TENM3: variants seen among roughly 807,000 people sequenced by gnomAD.
The protein encoded by TENM3 is teneurin-3.
TENM3 carries 63 observed loss-of-function variants against 255.1 expected under a neutral mutation model. The ratio of observed to expected loss-of-function variants is 0.25; its 90% CI spans 0.20 to 0.30. TENM3 has a LOEUF of 0.30. Ranked by LOEUF, TENM3 falls within the 10% of genes least tolerant of loss-of-function variation. TENM3 has a pLI of 1.00. For synonymous variants in TENM3, 1,306 were observed against 1,322.3 expected (o/e 0.99, Z 0.27); for missense variants, 2,929 against 3,461.1 (o/e 0.85, Z 3.86).
chr4:181,998,171 C>A, the TENM3 span, among the ~76,000 whole-genome samples: 1 of 152,104 alleles, frequency 6.6e-6, no homozygotes, highest in African/African-American at 2.4e-5. Context: ...AAATTTATGA[C>A]CCTTTTTAAA....
intron 3 of TENM3, among the ~76,000 whole-genome samples, chr4:182,369,455 G>A (rs1197090297): frequency 3.3e-5 from 5 of 152,172 alleles, no homozygotes; most frequent in African/African-American, 1.2e-4. Context: ...GTAGACTGTA[G>A]GTCCTCAGAT....
the TENM3 span, among the ~76,000 whole-genome samples, chr4:181,515,717 G>C: frequency 6.6e-6 from 1 of 152,016 alleles, no homozygotes; most frequent in Non-Finnish European, 1.5e-5. Context: ...TTATAACTCA[G>C]TGGTTTTGCT....
the TENM3 span, among the ~76,000 whole-genome samples, chr4:181,646,839 CA>C: frequency 6.6e-6 from 1 of 151,766 alleles, no homozygotes; most frequent in Non-Finnish European, 1.5e-5. Context: ...GCATCAGTGA[CA>C]AAAAAAGATC....
chr4:181,807,692 T>A, the TENM3 span, among the ~76,000 whole-genome samples: 1 of 152,328 alleles, frequency 6.6e-6, no homozygotes, highest in South Asian at 2.1e-4. Flanking sequence ...CAGTATAGGA[T>A]TATTTTTCTT....
chr4:181,781,018 A>C, the TENM3 span, among the ~76,000 whole-genome samples: 2 of 152,132 alleles, frequency 1.3e-5, no homozygotes, highest in Non-Finnish European at 2.9e-5. Flanking sequence ...TGTTTTGGTT[A>C]CTGTAGCCTT....
At chr4:182,026,325 A>G in the TENM3 span, among the ~76,000 whole-genome samples, 1 of 152,034 alleles carries the variant, frequency 6.6e-6, no homozygotes. Flanking sequence ...TTTTTTCTAT[A>G]TAGTTGTTTG....
intron 1 of TENM3, among the ~76,000 whole-genome samples, chr4:182,177,009 A>T (rs543482224): frequency 2.9e-4 from 44 of 151,930 alleles, no homozygotes; most frequent in African/African-American, 1.1e-3. Context: ...TAGGAGATGG[A>T]CAGGACAGAC....
the TENM3 span, among the ~76,000 whole-genome samples, chr4:181,680,250 A>G: frequency 6.6e-6 from 1 of 152,150 alleles, no homozygotes; most frequent in African/African-American, 2.4e-5. Context: ...TCTCTCAAGT[A>G]TATAGGCTGT....
the TENM3 span, among the ~76,000 whole-genome samples, chr4:181,605,584 G>GGAAA: frequency 4.5e-3 from 308 of 69,180 alleles, 41 homozygotes; most frequent in Middle Eastern, 0.012. Flanking sequence ...GAGAAAGAAA[G>GGAAA]GAAAGAAAGA....
At chr4:181,948,812 G>C in the TENM3 span, among the ~76,000 whole-genome samples, 1 of 152,166 alleles carries the variant, frequency 6.6e-6, no homozygotes, top group African/African-American at 2.4e-5. Flanking sequence ...GCAAAGGAAA[G>C]TGTGGATGAA....
chr4:181,492,008 A>T, the TENM3 span, among the ~76,000 whole-genome samples: 5 of 152,302 alleles, frequency 3.3e-5, no homozygotes, highest in South Asian at 4.1e-4. Flanking sequence ...GGCCAAATTA[A>T]CTTAAGCCGC....
At chr4:181,547,816 T>C in the TENM3 span, among the ~76,000 whole-genome samples, 40 of 152,304 alleles carry the variant, frequency 2.6e-4, no homozygotes, top group African/African-American at 8.9e-4. Flanking sequence ...TTTTTCTTTT[T>C]TTTATTATAC....
the TENM3 span, among the ~76,000 whole-genome samples, chr4:182,021,863 A>G: frequency 2.6e-5 from 4 of 152,194 alleles, no homozygotes; most frequent in Non-Finnish European, 5.9e-5. Context: ...TCAGAAAAAA[A>G]CTTCCAGTTA....
chr4:181,527,627 T>G, the TENM3 span, among the ~76,000 whole-genome samples: 7 of 135,662 alleles, frequency 5.2e-5, no homozygotes, highest in Admixed American at 1.4e-4. Context: ...CAGGTTTTGT[T>G]TTTTTTTTTT....
the TENM3 span, among the ~76,000 whole-genome samples, chr4:182,125,138 ATGGTGAAT>A: frequency 1.1e-5 from 1 of 87,056 alleles, no homozygotes. Flanking sequence ...CCCTGCTGGG[ATGGTGAAT>A]CTTCCCATTG....
intron 1 of TENM3, among the ~76,000 whole-genome samples, chr4:182,285,402 A>G (rs915803354): frequency 6.6e-6 from 1 of 152,184 alleles, no homozygotes; most frequent in African/African-American, 2.4e-5. Flanking sequence ...CCACATTTAC[A>G]GTCCACGTGT....
At chr4:182,260,513 A>G (rs1758710590) in intron 1 of TENM3, among the ~76,000 whole-genome samples, 1 of 152,234 alleles carries the variant, frequency 6.6e-6, no homozygotes, top group Middle Eastern at 3.2e-3. Context: ...TTTATTACCT[A>G]CTAAATAATA....
chr4:182,266,542 G>T (rs1237115510), intron 1 of TENM3, among the ~76,000 whole-genome samples: 1 of 152,070 alleles, frequency 6.6e-6, no homozygotes, highest in African/African-American at 2.4e-5. Context: ...GTTATAAAAG[G>T]TTTATAAGAA....
At chr4:181,964,346 T>A in the TENM3 span, among the ~76,000 whole-genome samples, 1 of 152,146 alleles carries the variant, frequency 6.6e-6, no homozygotes, top group African/African-American at 2.4e-5. Flanking sequence ...AACTTCAATC[T>A]CCGGTAAGCT....
Sources: gnomAD v4.1 joint callset for allele counts (sites outside exome capture counted in the v4.1 genomes callset) on GRCh38, gnomAD v4.1.1 for gene constraint, MANE v1.5 for transcripts, NCBI Gene and HGNC (gene_info 2026-07-23, HGNC 2026-07-21) for gene names.